Variants in PNISR observed in about 807,000 individuals in gnomAD.
The protein encoded by PNISR is arginine/serine-rich protein PNISR.
Under a neutral mutation model 93.4 loss-of-function variants are expected in PNISR, and 20 were observed. The ratio of observed to expected loss-of-function variants is 0.21; its 90% CI spans 0.15 to 0.31. PNISR has a LOEUF of 0.31. PNISR is among the 10% of genes least tolerant of loss of function. PNISR has a pLI of 1.00. For missense variants in PNISR, 893 were observed against 985.4 expected (o/e 0.91, Z 1.25); for synonymous variants, 305 against 306.5 (o/e 0.99, Z 0.05).
At chr6:99,422,956 T>G (rs1223175990) in intron 1 of PNISR, among the ~76,000 whole-genome samples, 1 of 144,262 alleles carries the variant, frequency 6.9e-6, no homozygotes, top group East Asian at 2.0e-4. Flanking sequence ...TAAAAATAAA[T>G]GTAGCGAGAG....
intron 9 of PNISR, 71 bp from the exon 10 acceptor site, chr6:99,403,953 T>C (rs1341709428): frequency 5.6e-6 from 6 of 1,076,434 alleles, no homozygotes; most frequent in South Asian, 1.3e-5. Flanking sequence ...CATGAGTCTA[T>C]GGTATTGTTA....
chr6:99,411,150 C>A (rs1194069305), intron 4 of PNISR, among the ~76,000 whole-genome samples, 186 bp from the exon 5 acceptor site: 2 of 152,120 alleles, frequency 1.3e-5, no homozygotes, highest in Non-Finnish European at 2.9e-5. Flanking sequence ...ATATATAATT[C>A]AAAATGAGCT....
chr6:99,407,102 T>C (rs746401902), intron 7 of PNISR, among the ~76,000 whole-genome samples: 6 of 152,074 alleles, frequency 3.9e-5, no homozygotes, highest in Non-Finnish European at 4.4e-5. Flanking sequence ...GGAGAATCAT[T>C]TGAAGCCAGG....
At chr6:99,418,356 C>G (rs1432912132) in intron 1 of PNISR, among the ~76,000 whole-genome samples, 1 of 151,268 alleles carries the variant, frequency 6.6e-6, no homozygotes, top group Non-Finnish European at 1.5e-5. Context: ...AAGCTGGTCT[C>G]GAATTTCTGA....
At chr6:99,413,798 A>G (rs1777301824) in intron 3 of PNISR, among the ~76,000 whole-genome samples, 1 of 139,704 alleles carries the variant, frequency 7.2e-6, no homozygotes, top group Admixed American at 7.3e-5. Flanking sequence ...TCTCAGTTTG[A>G]AACACTGGCA....
intron 4 of PNISR, chr6:99,411,790 G>GT (rs1223091085): frequency 0.016 from 2,323 of 141,080 alleles, 29 homozygotes; most frequent in African/African-American, 0.032. Context: ...AAGTTTTAAG[G>GT]TTTTTTTTTT....
intron 8 of PNISR, among the ~76,000 whole-genome samples, chr6:99,405,633 C>T (rs374399635): frequency 3.3e-5 from 5 of 152,184 alleles, no homozygotes; most frequent in African/African-American, 7.2e-5. Flanking sequence ...GGCACCACCT[C>T]GGCTCACTGC....
rs766896047 is a variant in PNISR at position 99,401,007 on chromosome 6, C to T, written c.1951G>A (p.Gly651Arg). Reference protein sequence around the residue: ...KIDDQRGNLSGNSHKHKGEAK... With the variant: ...KIDDQRGNLSRNSHKHKGEAK... ...TCACCTTTATGCTTATGACTGTTCC[C>T]ACTAAGATTTCCACGTTGATCATCA... is the stretch of plus-strand genomic sequence containing the variant. Residue 651 changes from glycine (G) to arginine (R), a missense_variant, in exon 12 of 12, where the codon GGG becomes AGG. By Grantham distance (125) the Gly-to-Arg change is moderately radical. Transcript: ENST00000369239. 6.2e-7 allele frequency: 1 copy of T among 1,613,672 alleles called. No homozygotes were observed. Among genetic ancestry groups the T allele is most frequent in the Non-Finnish European group, 8.5e-7 (1 of 1,179,832 alleles).
rs570196263 is a variant in PNISR, at chr6:99,409,268, G to GCTGGAGGTC, written c.569_577dup (p.Gly190_Pro192dup). 3.1e-6 allele frequency: 5 copies of GCTGGAGGTC among 1,613,934 alleles called. No individual in the cohort carries two copies. In the South Asian group the frequency reaches 3.3e-5, roughly 11 times the overall value. On this transcript the variant is annotated inframe_insertion, in exon 6 of 12. Transcript: ENST00000369239. Reference sequence around the variant, plus strand: ...CCTTTCTCTTCGATTCTGGGGAGGTGCTGGAGGTCCTGGAGGTCCTGGTTG... The same window carrying GCTGGAGGTC: ...CCTTTCTCTTCGATTCTGGGGAGGTGCTGGAGGTCCTGGAGGTCCTGGAGGTCCTGGTTG...
rs759213939 is a variant in PNISR at position 99,401,085 on chromosome 6, C to T, written c.1873G>A (p.Asp625Asn). The T allele has an allele frequency of 3.7e-6, 6 of 1,613,666 alleles. No homozygotes were observed. The East Asian group carries it at 8.9e-5, about 24-fold the overall frequency. The change falls in exon 12 of 12, where the codon GAT becomes AAT. Residue 625 changes from aspartate (D) to asparagine (N), a missense_variant. Coordinates refer to ENST00000369239, the MANE Select transcript of PNISR (RefSeq NM_032870.4). ...CGACTGGCACGATTGGTTCGTCTAT[C>T]CCTTGAGCGACTTCTACTTCTACGT... is the stretch of plus-strand genomic sequence containing the variant. ...ERRRSRSRSR[D>N]RRTNRASRSR...
At chr6:99,410,632 A>T (rs1270198774) in intron 5 of PNISR, 109 bp downstream of exon 5, 1 of 709,954 alleles carries the variant, frequency 1.4e-6, no homozygotes, top group Non-Finnish European at 2.4e-6. Flanking sequence ...GTGCTTATTT[A>T]TACAAGTCTG....
intron 3 of PNISR, 42 bp downstream of exon 3, chr6:99,414,530 C>T (rs777401261): frequency 9.7e-7 from 1 of 1,028,954 alleles, no homozygotes; most frequent in South Asian, 1.3e-5. Flanking sequence ...CCCATTTCCA[C>T]ATATCCAACC....
intron 7 of PNISR, among the ~76,000 whole-genome samples, chr6:99,407,443 G>A (rs1387155021): frequency 6.6e-6 from 1 of 151,890 alleles, no homozygotes; most frequent in East Asian, 1.9e-4. Context: ...AGATCTTTTG[G>A]GAAAAATAAA....
chr6:99,416,865 A>G (rs1162701081), intron 1 of PNISR, among the ~76,000 whole-genome samples: 1 of 152,226 alleles, frequency 6.6e-6, no homozygotes, highest in Non-Finnish European at 1.5e-5. Context: ...TGTTCCTGAA[A>G]TGGTTTAGTT....
rs747118741 is a variant in PNISR at position 99,409,217 on chromosome 6, C to A, written c.629G>T (p.Arg210Leu). Reference sequence around the variant, plus strand: ...CTTCACAGGAAGTGCAATAGGTGAACGCTGACGATCCCTGAATGATGATGG... The same window carrying A: ...CTTCACAGGAAGTGCAATAGGTGAAAGCTGACGATCCCTGAATGATGATGG... ...ERPSSFRDRQ[R>L]SPIALPVKQE... The change falls in exon 6 of 12, where the codon CGT becomes CTT. Residue 210 changes from arginine (R) to leucine (L), a missense_variant. Physicochemically the swap from Arg to Leu is moderately radical, Grantham distance 102. Transcript: ENST00000369239. The A allele has an allele frequency of 1.2e-6, 2 of 1,613,956 alleles. No homozygotes were observed. The highest frequency in any genetic ancestry group is 1.7e-5 in the Admixed American group (1 of 60,004).
chr6:99,402,500 C>CA (rs1280115990), intron 11 of PNISR, 40 bp downstream of exon 11: 14 of 1,414,134 alleles, frequency 9.9e-6, no homozygotes, highest in Non-Finnish European at 1.3e-5. Context: ...AAAAGAAATA[C>CA]AAAACTGGAC....
intron 4 of PNISR, chr6:99,411,895 G>C (rs1254885151): frequency 5.8e-6 from 1 of 173,024 alleles, no homozygotes; most frequent in Non-Finnish European, 1.2e-5. Context: ...AGTATTAATA[G>C]GGAAAGGAGG....
chr6:99,424,068 T>C (rs1368947265), intron 1 of PNISR, among the ~76,000 whole-genome samples: 1 of 152,160 alleles, frequency 6.6e-6, no homozygotes, highest in African/African-American at 2.4e-5. Context: ...AGATACGAAT[T>C]TTAGAGGGGC....
In PNISR at chr6:99,425,252, C is replaced by A. The variant is rs1043456949; in HGVS notation, c.-149G>T. On this transcript the variant is annotated 5_prime_UTR_variant, in exon 1 of 12. Coordinates refer to ENST00000369239, the MANE Select transcript of PNISR (RefSeq NM_032870.4). ...GGGAACACCCTTGTCGCCGCCGTTC[C>A]GGTAACACCTCTCCAACGCTTTCGA... 69 of 1,232,056 alleles carry A rather than the reference C, an allele frequency of 5.6e-5. No homozygotes were observed. The highest frequency in any genetic ancestry group is 6.9e-5 in the Non-Finnish European group (68 of 987,966). 76.3% of individuals were successfully genotyped at this position (1,232,056 alleles called of 1,614,324 possible).
Sources: allele counts gnomAD v4.1 joint callset (sites outside exome capture counted in the v4.1 genomes callset), GRCh38; gene constraint gnomAD v4.1.1; transcripts MANE v1.5; gene names NCBI Gene and HGNC (gene_info 2026-07-23, HGNC 2026-07-21).